Variants in SLC26A3 observed in about 807,000 individuals in gnomAD.
SLC26A3 encodes solute carrier family 26 member 3, also known as chloride anion exchanger.
Under a neutral mutation model 85.6 loss-of-function variants are expected in SLC26A3, and 64 were observed. The ratio of observed to expected loss-of-function variants is 0.75; its 90% CI spans 0.61 to 0.92. The LOEUF (loss-of-function observed/expected upper bound fraction) is 0.92. Ranked by LOEUF, SLC26A3 falls within the 40% of genes least tolerant of loss-of-function variation. SLC26A3 has a pLI of 0.00. For missense variants in SLC26A3, 922 were observed against 927.3 expected (o/e 0.99, Z 0.07); for synonymous variants, 349 against 336.0 (o/e 1.04, Z -0.42).
Position 107,782,833 on chromosome 7 carries a change from A to C in SLC26A3, c.1275T>G (p.Val425=), listed in dbSNP as rs1794233585. 4 of 1,614,150 alleles carry C rather than the reference A, an allele frequency of 2.5e-6. No homozygotes were observed. The highest frequency in any genetic ancestry group is 1.1e-5 in the South Asian group (1 of 91,088). Reference sequence around the variant, plus strand: ...GCGCCAGGAGAAATCCAATGGCTAGAACGACAATCAGCACGATGATGGCAC... The same window carrying C: ...GCGCCAGGAGAAATCCAATGGCTAGCACGACAATCAGCACGATGATGGCAC... The part of the protein sequence containing the change: ...LIGAIIVLIV[V]LAIGFLLAPL... The change falls in exon 11 of 21, where the codon GTT becomes GTG. Residue 425 remains valine, a synonymous_variant. Coordinates refer to ENST00000340010, the MANE Select transcript of SLC26A3 (RefSeq NM_000111.3).
intron 18 of SLC26A3, among the ~76,000 whole-genome samples, chr7:107,770,018 C>CTT (rs1554377096): frequency 5.2e-5 from 2 of 38,426 alleles, no homozygotes; most frequent in Non-Finnish European, 9.1e-5. Context: ...TTCTTTCTTT[C>CTT]TTTCTTTCTT....
At chr7:107,793,711 G>A in intron 3 of SLC26A3, 31 bp downstream of exon 3, 2 of 1,512,958 alleles carry the variant, frequency 1.3e-6, no homozygotes, top group South Asian at 1.2e-5. Flanking sequence ...GAATTTTATT[G>A]TATATAAATT....
intron 1 of SLC26A3, among the ~76,000 whole-genome samples, chr7:107,801,856 GA>G: frequency 6.7e-6 from 1 of 149,546 alleles, no homozygotes; most frequent in Non-Finnish European, 1.5e-5. Context: ...GAGGTGGGAG[GA>G]TCACCTGAGG....
chr7:107,785,547 GCAAGTATT>G (rs1374272442), intron 8 of SLC26A3, among the ~76,000 whole-genome samples: 2 of 152,060 alleles, frequency 1.3e-5, no homozygotes, highest in African/African-American at 2.4e-5. Flanking sequence ...GTTTGGTTTT[GCAAGTATT>G]CATTTTTTCT....
chr7:107,778,330 AC>A, intron 12 of SLC26A3, 49 bp from the exon 13 acceptor site: 4 of 1,129,606 alleles, frequency 3.5e-6, no homozygotes, highest in Non-Finnish European at 5.3e-6. Context: ...TGATTAAAGT[AC>A]AATGTCGAGA....
intron 20 of SLC26A3, among the ~76,000 whole-genome samples, chr7:107,766,799 G>C (rs1793923411): frequency 6.6e-6 from 1 of 152,002 alleles, no homozygotes; most frequent in Admixed American, 6.6e-5. Context: ...CTTGTCATCA[G>C]AAAGATCTTA....
At position 107,794,583 on chromosome 7, in the gene SLC26A3, G is replaced by A. The variant is rs775648286; in HGVS notation, c.-74C>T. On this transcript the variant is annotated 5_prime_UTR_variant, in exon 2 of 21. Coordinates refer to ENST00000340010, the MANE Select transcript of SLC26A3 (RefSeq NM_000111.3). Reference sequence around the variant, plus strand: ...TGGTGAACACTTCTTCTTGCCTTTAGCAGGTTAAAAATGCCTGAAACCAAA... The same window carrying A: ...TGGTGAACACTTCTTCTTGCCTTTAACAGGTTAAAAATGCCTGAAACCAAA... The A allele has an allele frequency of 1.2e-5, 19 of 1,572,492 alleles. No homozygotes were observed. Among genetic ancestry groups the A allele is most frequent in the Non-Finnish European group, 1.6e-5 (18 of 1,143,064 alleles).
chr7:107,793,691 T>A lies in SLC26A3; in HGVS notation c.271+51A>T, dbSNP rs1471658681. 2.9e-6 allele frequency: 4 copies of A among 1,396,882 alleles called. No homozygotes were observed. The African/African-American group carries it at 5.7e-5, about 20-fold the overall frequency. 86.5% of individuals were successfully genotyped at this position (1,396,882 alleles called of 1,614,324 possible). A position where few individuals can be genotyped will look rare whatever the true frequency, so the allele number is the denominator to read the frequency against. On this transcript the variant is annotated intron_variant, in intron 3 of 20. Transcript: ENST00000340010. ...ACGAAAAGTCCCTGAGCTGTACACA[T>A]TCAGAGGAAGAATTTTATTGTATAT...
Position 107,793,736 on chromosome 7 carries a change from T to A in SLC26A3, c.271+6A>T, listed in dbSNP as rs1048038935. The A allele has an allele frequency of 3.7e-6, 6 of 1,608,572 alleles. No homozygotes were observed. In the Admixed American group the frequency reaches 6.7e-5, roughly 18 times the overall value. On this transcript the variant is annotated splice_donor_region_variant and intron_variant, in intron 3 of 20. Transcript: ENST00000340010. ...GTATATAAATTATACTTAAAAAAAA[T>A]TTTACCTTGTAGTACGGCCACAATC...
chr7:107,798,948 G>T (rs915075849), intron 1 of SLC26A3, among the ~76,000 whole-genome samples: 1 of 152,186 alleles, frequency 6.6e-6, no homozygotes, highest in African/African-American at 2.4e-5. Context: ...GGGGGAACAA[G>T]CAGAATAATT....
At chr7:107,789,127 T>TC (rs1382232874) in intron 6 of SLC26A3, among the ~76,000 whole-genome samples, 2 of 149,646 alleles carry the variant, frequency 1.3e-5, no homozygotes, top group Non-Finnish European at 3.0e-5. Flanking sequence ...TTCTTTTTTT[T>TC]TTTTTTGAGA....
chr7:107,778,766 G>A (rs1278279331), intron 12 of SLC26A3, among the ~76,000 whole-genome samples: 7 of 152,032 alleles, frequency 4.6e-5, no homozygotes, highest in Admixed American at 1.3e-4. Context: ...GAGGTGGGAG[G>A]ATCACTTGAG....
chr7:107,801,653 G>T (rs911240130), intron 1 of SLC26A3, among the ~76,000 whole-genome samples: 2 of 152,182 alleles, frequency 1.3e-5, no homozygotes, highest in Admixed American at 1.3e-4. Flanking sequence ...TGTTTAGGAG[G>T]TATTAAACAT....
chr7:107,801,925 CA>C (rs11356401), intron 1 of SLC26A3, among the ~76,000 whole-genome samples: 24,139 of 91,194 alleles, frequency 0.26, 2,605 homozygotes, highest in African/African-American at 0.38. Context: ...ACTGAAAATA[CA>C]AAAAAAAAAA....
At chr7:107,798,968 A>T (rs1011189564) in intron 1 of SLC26A3, among the ~76,000 whole-genome samples, 17 of 152,180 alleles carry the variant, frequency 1.1e-4, no homozygotes, top group African/African-American at 3.6e-4. Context: ...TGCTCCAGTG[A>T]GCACCTTCAG....
In SLC26A3 at chr7:107,782,803, T is replaced by G; in HGVS notation, c.1305A>C (p.Leu435=). ...VLAIGFLLAP[L]QKSVLAALAL... is the part of the protein sequence containing the mutation. ...TATCCAAAGACAGTGTTACCTTTTG[T>G]AGAGGCGCCAGGAGAAATCCAATGG... The change falls in exon 11 of 21, where the codon CTA becomes CTC. Residue 435 remains leucine, a synonymous_variant. Coordinates refer to ENST00000340010, the MANE Select transcript of SLC26A3 (RefSeq NM_000111.3). 6.2e-7 allele frequency: 1 copy of G among 1,613,860 alleles called. No individual in the cohort carries two copies. Among genetic ancestry groups the G allele is most frequent in the Non-Finnish European group, 8.5e-7 (1 of 1,179,778 alleles).
chr7:107,790,766 C>A (rs1227663152), intron 5 of SLC26A3, among the ~76,000 whole-genome samples: 1 of 151,836 alleles, frequency 6.6e-6, no homozygotes, highest in East Asian at 1.9e-4. Context: ...TATCAATTCC[C>A]AGATATATGT....
rs571663600 is a variant in SLC26A3 at position 107,787,425 on chromosome 7, T to C, written c.820A>G (p.Ile274Val). ...AAGCGCTGATTTATTTCTTTAACAA[T>C]GGATACAACCAAAAGGACAATCAGA... ...TALIVLLVVS[I>V]VKEINQRFKD... The change falls in exon 7 of 21, where the codon ATT (isoleucine) becomes GTT (valine). Residue 274 changes from isoleucine (I) to valine (V), a missense_variant. Physicochemically the swap from Ile to Val is conservative, Grantham distance 29. Transcript: ENST00000340010. 1.4e-5 allele frequency: 22 copies of C among 1,614,018 alleles called. 1 individual carries two copies. In the South Asian group the frequency reaches 2.1e-4, roughly 15 times the overall value.
rs1427575593 is a variant in SLC26A3, at chr7:107,783,292, G to A, written c.1032C>T (p.Phe344=). The change falls in exon 9 of 21, where the codon TTC becomes TTT. Residue 344 remains phenylalanine, a synonymous_variant. Transcript: ENST00000340010. Reference sequence around the variant, plus strand: ...CTGCAAATGCAACCATTGCGATGCCGAAGCAATCTCCTACGGTGTTTTGGA... The same window carrying A: ...CTGCAAATGCAACCATTGCGATGCCAAAGCAATCTCCTACGGTGTTTTGGA... ...ETFQNTVGDC[F]GIAMVAFAVA... 9 of 1,614,058 alleles carry A rather than the reference G, an allele frequency of 5.6e-6. No homozygotes were observed. Among genetic ancestry groups the A allele is most frequent in the South Asian group, 4.4e-5 (4 of 91,088 alleles).
Sources: allele counts gnomAD v4.1 joint callset (sites outside exome capture counted in the v4.1 genomes callset), GRCh38; gene constraint gnomAD v4.1.1; transcripts MANE v1.5; gene names NCBI Gene and HGNC (gene_info 2026-07-23, HGNC 2026-07-21).